The following GPD2 variants were observed in gnomAD, a reference collection of about 807,000 sequenced individuals.
The protein encoded by GPD2 is glycerol-3-phosphate dehydrogenase 2.
A neutral mutation model predicts 82.4 loss-of-function variants in GPD2; 54 were observed. The observed-to-expected ratio is 0.66, with a 90% CI of 0.53 to 0.82. The LOEUF is 0.82. GPD2 is among the 40% of genes least tolerant of loss of function. The probability of loss-of-function intolerance (pLI) is 0.00; values close to 1 mark genes in which losing one functional copy is unlikely to be tolerated. For missense variants in GPD2, 748 were observed against 896.2 expected, an observed-to-expected ratio of 0.83 and a Z score of 2.11; for synonymous variants, 288 against 306.1, an observed-to-expected ratio of 0.94 and a Z score of 0.62.
chr2:156,462,146 TAGCACAGA>T (rs1683009758), intron 1 of GPD2, among the ~76,000 whole-genome samples: 1 of 152,242 alleles, frequency 6.6e-6, no homozygotes, highest in South Asian at 2.1e-4. Context: ...TAATTGTTTC[TAGCACAGA>T]AGCAGAGAGT....
chr2:156,454,345 C>T (rs1230581222), intron 1 of GPD2, among the ~76,000 whole-genome samples: 1 of 152,068 alleles, frequency 6.6e-6, no homozygotes, highest in Non-Finnish European at 1.5e-5. Context: ...TTTATACTGG[C>T]TGAAACTAGA....
chr2:156,472,406 C>T (rs1034614442), intron 1 of GPD2, among the ~76,000 whole-genome samples: 8 of 152,096 alleles, frequency 5.3e-5, no homozygotes, highest in South Asian at 2.1e-4. Flanking sequence ...CTGCAGTCTC[C>T]GCCTCCGAGG....
chr2:156,440,734 G>C (rs953856717), intron 1 of GPD2, among the ~76,000 whole-genome samples: 5 of 152,114 alleles, frequency 3.3e-5, no homozygotes, highest in African/African-American at 1.2e-4. Context: ...CAAAATTAGT[G>C]GGAAAAATTG....
At chr2:156,571,042 G>A (rs1163865431) in intron 12 of GPD2, 92 bp from the exon 13 acceptor site, 17 of 883,304 alleles carry the variant, frequency 1.9e-5, no homozygotes, top group Non-Finnish European at 3.8e-6. Flanking sequence ...TTACCTTTGT[G>A]AAGCACACAT....
chr2:156,519,970 C>T (rs912115557), intron 6 of GPD2, among the ~76,000 whole-genome samples: 2 of 152,228 alleles, frequency 1.3e-5, no homozygotes, highest in Non-Finnish European at 2.9e-5. Flanking sequence ...GGTTCTTGCC[C>T]AGCATCTGGG....
At chr2:156,555,892 A>G (rs970470713) in intron 8 of GPD2, among the ~76,000 whole-genome samples, 3 of 152,010 alleles carry the variant, frequency 2.0e-5, no homozygotes, top group African/African-American at 7.2e-5. Flanking sequence ...ACTTCTACCT[A>G]CTCTCTCCGA....
chr2:156,513,597 T>C (rs1685086016), intron 6 of GPD2, 101 bp downstream of exon 6: 1 of 916,764 alleles, frequency 1.1e-6, no homozygotes, highest in Non-Finnish European at 1.7e-6. Flanking sequence ...CTTTAAATAC[T>C]AATCTTACAC....
upstream of GPD2, chr2:156,435,558 C>G (rs1284347137): frequency 6.6e-6 from 1 of 151,652 alleles, no homozygotes; most frequent in African/African-American, 2.4e-5. Flanking sequence ...GCTCAGCATT[C>G]CACCCCCTGG....
chr2:156,515,141 G>A (rs1365637909), intron 6 of GPD2, among the ~76,000 whole-genome samples: 1 of 152,156 alleles, frequency 6.6e-6, no homozygotes, highest in Non-Finnish European at 1.5e-5. Context: ...GGCTGGGTAT[G>A]TTGGTTCACA....
At chr2:156,452,357 G>C (rs1289358354) in intron 1 of GPD2, among the ~76,000 whole-genome samples, 1 of 152,262 alleles carries the variant, frequency 6.6e-6, no homozygotes, top group African/African-American at 2.4e-5. Context: ...CTGGAGACCA[G>C]CCCGGCCAAC....
chr2:156,427,466 A>T, the GPD2 span, among the ~76,000 whole-genome samples: 1 of 152,360 alleles, frequency 6.6e-6, no homozygotes, highest in African/African-American at 2.4e-5. Flanking sequence ...AATCTCAAAA[A>T]GTACAAAATA....
chr2:156,536,210 A>G (rs1292377681), intron 6 of GPD2, among the ~76,000 whole-genome samples: 1 of 152,216 alleles, frequency 6.6e-6, no homozygotes, highest in Non-Finnish European at 1.5e-5. Flanking sequence ...TTGTTTTACA[A>G]AAGCATCTTT....
In GPD2 at chr2:156,570,227, A is replaced by G. The variant is rs199616980; in HGVS notation, c.1608+9A>G. ...CATATATTGAAGCAGAGGTATGTGAATGGTCACATAGGAATTTCATGTCTG... is the reference window on the plus strand; with the variant it reads ...CATATATTGAAGCAGAGGTATGTGAGTGGTCACATAGGAATTTCATGTCTG... On this transcript the variant is annotated intron_variant, in intron 12 of 16. Coordinates refer to ENST00000438166, the MANE Select transcript of GPD2 (RefSeq NM_000408.5). The G allele has an allele frequency of 3.0e-4, 477 of 1,608,866 alleles. 1 individual carries two copies. The highest frequency in any genetic ancestry group is 3.6e-4 in the Non-Finnish European group (423 of 1,175,490).
rs1558960020 is a variant in GPD2 at position 156,557,424 on chromosome 2, G to C, written c.1007G>C (p.Ser336Thr). Reference protein sequence around the residue: ...ESMGLLDPATSDGRVIFFLPW... With the variant: ...ESMGLLDPATTDGRVIFFLPW... ...ATGGGACTTCTTGACCCAGCGACCAGTGATGGGCGAGTTATTTTCTTCTTA... is the reference window on the plus strand; with the variant it reads ...ATGGGACTTCTTGACCCAGCGACCACTGATGGGCGAGTTATTTTCTTCTTA... The change falls in exon 9 of 17, where the codon AGT becomes ACT. Residue 336 changes from serine to threonine, a missense_variant. Around this residue, in one of 3 missense-constraint regions of GPD2, gnomAD observed 692 missense variants for 809.7 expected, o/e 0.85. Coordinates refer to ENST00000438166, the MANE Select transcript of GPD2 (RefSeq NM_000408.5). 6.8e-6 allele frequency: 11 copies of C among 1,611,262 alleles called. No individual in the cohort carries two copies. Among genetic ancestry groups the C allele is most frequent in the Non-Finnish European group, 9.3e-6 (11 of 1,177,528 alleles).
chr2:156,474,152 T>C (rs1315472236), intron 1 of GPD2, among the ~76,000 whole-genome samples: 2 of 152,086 alleles, frequency 1.3e-5, no homozygotes, highest in African/African-American at 4.8e-5. Flanking sequence ...AGAATCTTAA[T>C]TAAAAAGATA....
intron 6 of GPD2, among the ~76,000 whole-genome samples, chr2:156,525,789 T>A (rs1056050139): frequency 6.6e-6 from 1 of 152,220 alleles, no homozygotes; most frequent in African/African-American, 2.4e-5. Context: ...ATTAGGAATT[T>A]ATTTTTTTAA....
At chr2:156,431,618 A>G (rs2105124384), upstream of GPD2, among the ~76,000 whole-genome samples, 1 of 152,228 alleles carries the variant, frequency 6.6e-6, no homozygotes, top group Non-Finnish European at 1.5e-5. Flanking sequence ...CATATAGGAA[A>G]TTGTGTTCCT....
intron 1 of GPD2, among the ~76,000 whole-genome samples, chr2:156,471,431 A>T (rs1179576951): frequency 6.6e-6 from 1 of 152,182 alleles, no homozygotes; most frequent in Non-Finnish European, 1.5e-5. Flanking sequence ...TGCCAACAGG[A>T]TATCATAGAA....
At chr2:156,444,470 T>C (rs541726380) in intron 1 of GPD2, among the ~76,000 whole-genome samples, 1 of 152,230 alleles carries the variant, frequency 6.6e-6, no homozygotes, top group East Asian at 1.9e-4. Context: ...CCCAGCACTT[T>C]GGGAGGCCGA....
Sources: gnomAD v4.1 joint callset for allele counts (sites outside exome capture counted in the v4.1 genomes callset) on GRCh38, gnomAD v4.1.1 for gene constraint, gnomAD v4.1.1 regional missense constraint, MANE v1.5 for transcripts, NCBI Gene and HGNC (gene_info 2026-07-23, HGNC 2026-07-21) for gene names.